Variants in PER2 observed in about 807,000 individuals in gnomAD.
The protein encoded by PER2 is period circadian protein homolog 2.
Under a neutral mutation model 121.0 loss-of-function variants are expected in PER2, and 66 were observed. The ratio of observed to expected loss-of-function variants is 0.55; its 90% confidence interval spans 0.45 to 0.67. The LOEUF (loss-of-function observed/expected upper bound fraction) is 0.67, where lower values mean the gene tolerates loss of function less well. PER2 is among the 30% of genes least tolerant of loss of function. The pLI, the probability that PER2 is intolerant of heterozygous loss-of-function variation, is 0.00. For synonymous variants in PER2, 684 were observed against 659.9 expected (o/e 1.04, Z -0.56); for missense variants, 1,521 against 1,635.0 (o/e 0.93, Z 1.20).
chr2:238,255,003 A>G (rs1382366725), intron 18 of PER2: 1 of 151,178 alleles, frequency 6.6e-6, no homozygotes, highest in African/African-American at 2.6e-5. Flanking sequence ...AAGAGGCCCC[A>G]TCTCTAACAA....
chr2:238,260,751 T>G, intron 13 of PER2, 77 bp downstream of exon 13: 1 of 1,540,662 alleles, frequency 6.5e-7, no homozygotes, highest in Non-Finnish European at 9.0e-7. Context: ...CTGCCAAAGG[T>G]TGTCTTGAGT....
At chr2:238,276,927 G>A (rs1341035496) in intron 3 of PER2, among the ~76,000 whole-genome samples, 4 of 152,188 alleles carry the variant, frequency 2.6e-5, no homozygotes, top group Admixed American at 2.0e-4. Flanking sequence ...GTACTGGAGC[G>A]ACATCCCGGG....
At chr2:238,261,868 G>C (rs146468132) in intron 11 of PER2, 31 bp from the exon 12 acceptor site, 3 of 1,480,906 alleles carry the variant, frequency 2.0e-6, no homozygotes, top group Non-Finnish European at 2.8e-6. Context: ...TTGTTAGATG[G>C]GGCCCCACAG....
chr2:238,271,389 G>C lies in PER2; in HGVS notation c.695C>G (p.Ala232Gly), dbSNP rs528650592. 1 of 1,613,998 alleles carries C rather than the reference G, an allele frequency of 6.2e-7. No homozygotes were observed. The highest frequency in any genetic ancestry group is 1.7e-5 in the Admixed American group (1 of 60,008). Residue 232 changes from alanine (A) to glycine (G), a missense_variant, in exon 6 of 23, where the codon GCG (alanine) becomes GGG (glycine). Ala to Gly is a moderately conservative substitution (Grantham distance 60, BLOSUM62 0). Transcript: ENST00000254657. ...FSDAKFVEFL[A>G]PHDVGVFHSF... ...GTGGAACACGCCCACATCGTGAGGC[G>C]CCAGGAACTCCACAAACTTGGCATC...
chr2:238,279,927 AC>A (rs1474018995), intron 1 of PER2, among the ~76,000 whole-genome samples: 1 of 152,114 alleles, frequency 6.6e-6, no homozygotes, highest in Non-Finnish European at 1.5e-5. Context: ...GATCCCTGCT[AC>A]CCCCGGCCAT....
chr2:238,276,710 A>C (rs1023378423), intron 3 of PER2, among the ~76,000 whole-genome samples: 9 of 152,216 alleles, frequency 5.9e-5, no homozygotes, highest in African/African-American at 2.2e-4. Flanking sequence ...GAGGGTGCAG[A>C]AGGAATGATG....
At position 238,258,036 on chromosome 2, in the gene PER2, C is replaced by T. The variant is rs549440154; in HGVS notation, c.1900+240G>A. On this transcript the variant is annotated intron_variant, in intron 16 of 22. Transcript: ENST00000254657. ...TGCAGTGTGTCTGCATGAGGGGGGT[C>T]AGGGGACGGCCCCAGGCCTCCAGTA... Among the ~76,000 whole-genome samples the T allele has an allele frequency of 5.9e-5, 9 of 152,338 alleles. No individual in the cohort carries two copies. The South Asian group carries it at 1.9e-3, about 32-fold the overall frequency.
intron 6 of PER2, 127 bp downstream of exon 6, chr2:238,271,185 G>T (rs1696271731): frequency 1.2e-6 from 1 of 800,890 alleles, no homozygotes. Flanking sequence ...AGAGCAGGCA[G>T]CTGGCGGCCC....
Position 238,277,883 on chromosome 2 carries a change from G to A in PER2, c.54C>T (p.Pro18=), listed in dbSNP as rs760437520. 1.2e-5 allele frequency: 20 copies of A among 1,614,000 alleles called. No homozygotes were observed. The highest frequency in any genetic ancestry group is 2.2e-5 in the South Asian group (2 of 91,088). Residue 18 remains proline, a synonymous_variant, in exon 2 of 23, where the codon CCC becomes CCT. Coordinates refer to ENST00000254657, the MANE Select transcript of PER2 (RefSeq NM_022817.3). ...PPSPSNPTKE[P]VEPQPSQVPL... Reference sequence around the variant, plus strand: ...GGACCTGGCTGGGCTGGGGCTCCACGGGCTCCTTGGTGGGGTTACTGGGGC... The same window carrying A: ...GGACCTGGCTGGGCTGGGGCTCCACAGGCTCCTTGGTGGGGTTACTGGGGC...
rs111606004 is a variant in PER2 at position 238,266,007 on chromosome 2, G to A, written c.968-417C>T. On this transcript the variant is annotated intron_variant, in intron 8 of 22. Transcript: ENST00000254657. ...CAACCTCCGCCTCCGAGGTTCAAGC[G>A]ATTCTCCTGCTTCAGCCTCTCCAGT... 3.7e-3 allele frequency among the ~76,000 whole-genome samples: 569 copies of A among 151,918 alleles called. 2 individuals are homozygous for A. The highest frequency in any genetic ancestry group is 0.011 in the African/African-American group (476 of 41,402).
intron 1 of PER2, among the ~76,000 whole-genome samples, chr2:238,282,739 A>T (rs1188279175): frequency 6.6e-6 from 1 of 152,098 alleles, no homozygotes; most frequent in African/African-American, 2.4e-5. Flanking sequence ...GCCCTCAGGG[A>T]GCTTACATTA....
rs1000882688 is a variant in PER2, at chr2:238,245,625, A to T, written c.*750T>A. ...TCTCCATATTGGCCATCATGGTCTG[A>T]AAAGGAGACAAGAATAATGCAGAAA... On this transcript the variant is annotated 3_prime_UTR_variant, in exon 23 of 23. Transcript: ENST00000254657. The T allele has an allele frequency of 3.3e-5, 13 of 398,550 alleles. No homozygotes were observed. The highest frequency in any genetic ancestry group is 1.8e-4 in the Admixed American group (4 of 22,722). The allele number at this position is 398,550 out of a possible 1,614,324, so 24.7% of individuals were successfully genotyped here.
chr2:238,285,067 G>C (rs1372652193), intron 1 of PER2, among the ~76,000 whole-genome samples: 1 of 152,246 alleles, frequency 6.6e-6, no homozygotes, highest in East Asian at 1.9e-4. Flanking sequence ...CAAAGCCCAG[G>C]AGGGAAAATG....
At position 238,246,510 on chromosome 2, in the gene PER2, A is replaced by G; in HGVS notation, c.3633T>C (p.Cys1211=). The change falls in exon 23 of 23, where the codon TGT becomes TGC. Residue 1211 remains cysteine (C), a synonymous_variant. Coordinates refer to ENST00000254657, the MANE Select transcript of PER2 (RefSeq NM_022817.3). ...AAIDVAECVY[C]ENKEKGNICI... ...AAATATTACCTTTTTCCTTGTTTTC[A>G]CAGTAAACACATTCCTTAAAAGAAA... The G allele has an allele frequency of 1.9e-6, 3 of 1,564,436 alleles. No homozygotes were observed. Among genetic ancestry groups the G allele is most frequent in the Non-Finnish European group, 2.6e-6 (3 of 1,134,976 alleles).
In PER2 at chr2:238,268,845, C is replaced by A. The variant is rs1696194818; in HGVS notation, c.824+78G>T. Reference sequence around the variant, plus strand: ...TCCCTGCAGGCAGGGATCACGCCCCCCAGCCTCAAGCGGAGCAGTGCTGGG... The same window carrying A: ...TCCCTGCAGGCAGGGATCACGCCCCACAGCCTCAAGCGGAGCAGTGCTGGG... On this transcript the variant is annotated intron_variant, in intron 7 of 22. Transcript: ENST00000254657. The surrounding 1 kb of genome is among the most constrained non-coding windows in gnomAD (Gnocchi z 4.0). The A allele has an allele frequency of 1.0e-5, 11 of 1,087,656 alleles. No individual in the cohort carries two copies. The South Asian group carries it at 1.4e-4, about 14-fold the overall frequency. The allele number at this position is 1,087,656 out of a possible 1,614,324, so 67.4% of individuals were successfully genotyped here. A position where few individuals can be genotyped will look rare whatever the true frequency, so the allele number is the denominator to read the frequency against.
intron 8 of PER2, among the ~76,000 whole-genome samples, chr2:238,266,288 C>CTTT (rs1164812441): frequency 1.4e-5 from 2 of 140,906 alleles, no homozygotes; most frequent in East Asian, 4.1e-4. Flanking sequence ...ATTCAAATTT[C>CTTT]TTTTTTTTTT....
chr2:238,298,702 T>C, the PER2 span: 2 of 152,242 alleles, frequency 1.3e-5, no homozygotes, highest in African/African-American at 2.4e-5. Context: ...ACAGTGGCGT[T>C]ATGATTACTG....
chr2:238,263,153 A>T (rs1695987878), intron 9 of PER2, 95 bp from the exon 10 acceptor site: 2 of 795,626 alleles, frequency 2.5e-6, no homozygotes, highest in Non-Finnish European at 2.2e-6. Flanking sequence ...GAGAAGATAC[A>T]CTCCAAACCC....
intron 8 of PER2, among the ~76,000 whole-genome samples, chr2:238,266,143 T>G (rs1330689432): frequency 6.6e-6 from 1 of 152,184 alleles, no homozygotes; most frequent in Non-Finnish European, 1.5e-5. Flanking sequence ...GACCTCGTGA[T>G]CCGCCCACCT....
Sources: gnomAD v4.1 joint callset for allele counts (sites outside exome capture counted in the v4.1 genomes callset) on GRCh38, gnomAD v4.1.1 for gene constraint, Gnocchi (gnomAD v3.1) non-coding constraint, MANE v1.5 for transcripts, NCBI Gene and HGNC (gene_info 2026-07-23, HGNC 2026-07-21) for gene names.